The following MICU1 variants were observed in gnomAD, a reference collection of about 807,000 sequenced individuals.
MICU1 encodes mitochondrial calcium uptake 1, also known as calcium uptake protein 1, mitochondrial.
MICU1 carries 45 observed loss-of-function variants against 56.8 expected under a neutral mutation model. That is an observed-to-expected ratio of 0.79 (90% confidence interval 0.62 to 1.02). The LOEUF is 1.02. MICU1 is among the 50% of genes least tolerant of loss of function. MICU1 has a pLI of 0.00. For missense variants in MICU1, 504 were observed against 587.1 expected, an observed-to-expected ratio of 0.86 and a Z score of 1.46; for synonymous variants, 186 against 195.1, an observed-to-expected ratio of 0.95 and a Z score of 0.39.
At chr10:72,580,470 ATTAATTTAT>A (rs1395910134) in intron 1 of MICU1, among the ~76,000 whole-genome samples, 2 of 108,944 alleles carry the variant, frequency 1.8e-5, no homozygotes, top group Non-Finnish European at 4.3e-5. Flanking sequence ...TATTTAATTA[ATTAATTTAT>A]TTATTTATTT....
chr10:72,422,811 A>G (rs1864219162), intron 9 of MICU1, among the ~76,000 whole-genome samples: 1 of 144,042 alleles, frequency 6.9e-6, no homozygotes, highest in Non-Finnish European at 1.5e-5. Context: ...CCTGGTTTCA[A>G]GTGATTCTTG....
At chr10:72,443,989 T>A (rs1046603670) in intron 8 of MICU1, among the ~76,000 whole-genome samples, 4 of 151,980 alleles carry the variant, frequency 2.6e-5, no homozygotes, top group African/African-American at 9.7e-5. Context: ...CCAACAAGGA[T>A]AGACTGGATT....
intron 8 of MICU1, among the ~76,000 whole-genome samples, chr10:72,436,838 TAAAAC>T (rs1287881634): frequency 6.6e-6 from 1 of 151,288 alleles, no homozygotes; most frequent in East Asian, 1.9e-4. Flanking sequence ...ATTAATGAAA[TAAAAC>T]AAAAAGATAA....
chr10:72,412,588 T>C (rs977129235), intron 9 of MICU1, among the ~76,000 whole-genome samples: 1 of 152,342 alleles, frequency 6.6e-6, no homozygotes, highest in African/African-American at 2.4e-5. Flanking sequence ...TGGTGGCTCA[T>C]GCCTGTAATC....
At position 72,427,733 on chromosome 10, in the gene MICU1, A is replaced by AATAT. The variant is rs58696519; in HGVS notation, c.934-4366_934-4363dup. On this transcript the variant is annotated intron_variant, in intron 8 of 11. Transcript: ENST00000361114. ...TCAGCATCATAGACCCCATCTCTAA[A>AATAT]ATATATATATATATATATATATATA... 8.4e-3 allele frequency among the ~76,000 whole-genome samples: 1,140 copies of AATAT among 136,140 alleles called. 7 individuals carry two copies. Among genetic ancestry groups the AATAT allele is most frequent in the East Asian group, 0.021 (65 of 3,094 alleles). 89.3% of individuals were successfully genotyped at this position (136,140 alleles called of 152,430 possible). A position where few individuals can be genotyped will look rare whatever the true frequency, so the allele number is the denominator to read the frequency against.
In MICU1 at chr10:72,533,792, G is replaced by A; in HGVS notation, c.494-3C>T. 1 of 1,581,354 alleles carries A rather than the reference G, an allele frequency of 6.3e-7. No homozygotes were observed. Among genetic ancestry groups the A allele is most frequent in the Non-Finnish European group, 8.6e-7 (1 of 1,163,964 alleles). ...TATATATTGATCCAGACCCAAGTCT[G>A]TAAAAGAAAAGGAAAAAACATTTAG... On this transcript the variant is annotated splice_polypyrimidine_tract_variant and splice_region_variant and intron_variant, in intron 4 of 11. Transcript: ENST00000361114.
intron 6 of MICU1, among the ~76,000 whole-genome samples, chr10:72,499,912 A>G (rs61259169): frequency 0.043 from 6,587 of 152,248 alleles, 393 homozygotes; most frequent in East Asian, 0.2. Flanking sequence ...GGCAAGAGAA[A>G]TAAGATATTA....
rs115209640 is a variant in MICU1, at chr10:72,616,183, G to A, written c.-2+9827C>T. ...GTTTTCCTACTTCTTTGCATGCCTA[G>A]TAATTTCTGATTGGATGCCAGACAT... is the stretch of plus-strand genomic sequence containing the variant. On this transcript the variant is annotated intron_variant, in intron 1 of 11. Coordinates refer to ENST00000361114, the MANE Select transcript of MICU1 (RefSeq NM_001195518.2). 4.8e-3 allele frequency among the ~76,000 whole-genome samples: 724 copies of A among 152,118 alleles called. 4 individuals are homozygous for A. The highest frequency in any genetic ancestry group is 0.017 in the African/African-American group (696 of 41,498).
chr10:72,512,107 GT>G (rs869183579), intron 5 of MICU1, among the ~76,000 whole-genome samples: 44 of 29,524 alleles, frequency 1.5e-3, no homozygotes, highest in Admixed American at 6.6e-3. Flanking sequence ...GTTGTTTTTT[GT>G]TTTTTTTTTT....
At chr10:72,375,661 G>A in intron 11 of MICU1, 122 bp downstream of exon 11, 1 of 842,562 alleles carries the variant, frequency 1.2e-6, no homozygotes. Flanking sequence ...ATGTGAGAAA[G>A]GTGGGTAGCT....
intron 3 of MICU1, among the ~76,000 whole-genome samples, chr10:72,554,818 C>A (rs187879884): frequency 2.0e-4 from 31 of 152,256 alleles, no homozygotes; most frequent in African/African-American, 3.4e-4. Context: ...AGTTCGAGAC[C>A]AGCCTGGCCA....
intron 1 of MICU1, among the ~76,000 whole-genome samples, chr10:72,585,994 A>ATT (rs1276935862): frequency 1.0e-5 from 1 of 100,200 alleles, no homozygotes; most frequent in African/African-American, 3.7e-5. Context: ...TATTGTTTTT[A>ATT]TTTTTTCTTT....
Position 72,569,227 on chromosome 10 carries a change from A to ATTTT in MICU1, c.-1-2434_-1-2433insAAAA, listed in dbSNP as rs1457174727. 2.3e-3 allele frequency among the ~76,000 whole-genome samples: 93 copies of ATTTT among 40,562 alleles called. 2 individuals are homozygous for ATTTT. The highest frequency in any genetic ancestry group is 8.1e-3 in the African/African-American group (75 of 9,204). 26.6% of individuals were successfully genotyped at this position (40,562 alleles called of 152,430 possible). ...TATGCATATATATATATATATATATATATATATATATTTTTTTTTTTTTTT... is the reference window on the plus strand; with the variant it reads ...TATGCATATATATATATATATATATATTTTTATATATATATTTTTTTTTTTTTTT... On this transcript the variant is annotated intron_variant, in intron 1 of 11. Transcript: ENST00000361114.
chr10:72,492,789 G>GAATAAAATAAAAAAATAA (rs1866703385), intron 6 of MICU1, among the ~76,000 whole-genome samples: 1 of 135,224 alleles, frequency 7.4e-6, no homozygotes, highest in African/African-American at 3.0e-5. Flanking sequence ...AAATAGAATA[G>GAATAAAATAAAAAAATAA]AATAAAATAA....
chr10:72,445,290 G>A (rs545920855), intron 8 of MICU1, among the ~76,000 whole-genome samples: 5 of 152,150 alleles, frequency 3.3e-5, no homozygotes, highest in East Asian at 1.9e-4. Context: ...AAATCTTATC[G>A]GTAAGGTTGC....
At chr10:72,486,023 A>C (rs1293809589) in intron 6 of MICU1, among the ~76,000 whole-genome samples, 1 of 152,174 alleles carries the variant, frequency 6.6e-6, no homozygotes, top group African/African-American at 2.4e-5. Context: ...AAAAAAAGTG[A>C]CAAGAAAGCA....
intron 5 of MICU1, among the ~76,000 whole-genome samples, chr10:72,518,461 C>G (rs993387086): frequency 4.0e-5 from 6 of 151,662 alleles, no homozygotes; most frequent in Non-Finnish European, 7.4e-5. Flanking sequence ...ATATAGTAAA[C>G]TATAAGAAAG....
intron 8 of MICU1, among the ~76,000 whole-genome samples, chr10:72,458,879 A>ATTTT (rs538552469): frequency 7.9e-6 from 1 of 126,326 alleles, no homozygotes. Flanking sequence ...CCCAGCTACC[A>ATTTT]TTTTTTTTTT....
intron 3 of MICU1, among the ~76,000 whole-genome samples, chr10:72,561,223 T>C (rs1840287561): frequency 6.6e-6 from 1 of 152,234 alleles, no homozygotes; most frequent in South Asian, 2.1e-4. Context: ...AAGTATGAGA[T>C]ATGCTCATCT....
Sources: gnomAD v4.1 joint callset for allele counts (sites outside exome capture counted in the v4.1 genomes callset) on GRCh38, gnomAD v4.1.1 for gene constraint, MANE v1.5 for transcripts, NCBI Gene and HGNC (gene_info 2026-07-23, HGNC 2026-07-21) for gene names.